Variants in PRKG1 observed in about 807,000 individuals in gnomAD.
PRKG1 encodes the protein protein kinase cGMP-dependent 1.
A neutral mutation model predicts 88.1 loss-of-function variants in PRKG1; 35 were observed. The observed-to-expected ratio is 0.40, with a 90% CI of 0.30 to 0.53. PRKG1 has a LOEUF of 0.53. Ranked by LOEUF, PRKG1 falls within the 20% of genes least tolerant of loss-of-function variation. PRKG1 has a pLI of 0.59. For synonymous variants in PRKG1, 303 were observed against 292.5 expected (o/e 1.04, Z -0.37); for missense variants, 540 against 839.8 (o/e 0.64, Z 4.41).
intron 8 of PRKG1, among the ~76,000 whole-genome samples, chr10:52,155,532 T>C (rs972079463): frequency 6.6e-6 from 1 of 152,028 alleles, no homozygotes; most frequent in Non-Finnish European, 1.5e-5. Context: ...ACCATTAAGT[T>C]GGTTATAGTA....
chr10:52,072,658 T>C (rs527867429), intron 7 of PRKG1, among the ~76,000 whole-genome samples: 1 of 152,320 alleles, frequency 6.6e-6, no homozygotes, highest in East Asian at 1.9e-4. Flanking sequence ...ATTTGGACAT[T>C]ATCCTTGACT....
chr10:51,732,207 G>A (rs867446042), intron 3 of PRKG1, among the ~76,000 whole-genome samples: 5 of 152,072 alleles, frequency 3.3e-5, no homozygotes, highest in Admixed American at 2.0e-4. Flanking sequence ...CTACGGGCAT[G>A]AGCCAACACA....
intron 2 of PRKG1, among the ~76,000 whole-genome samples, chr10:51,340,829 G>A (rs61852110): frequency 0.034 from 5,208 of 152,210 alleles, 116 homozygotes; most frequent in Middle Eastern, 0.068. Flanking sequence ...CTGGAATGTC[G>A]TGAATAAGAC....
intron 3 of PRKG1, among the ~76,000 whole-genome samples, chr10:51,677,973 G>GT (rs1205464226): frequency 6.6e-6 from 1 of 152,108 alleles, no homozygotes; most frequent in Non-Finnish European, 1.5e-5. Context: ...CAAGACAAAT[G>GT]TTATATTCTT....
In PRKG1 at chr10:52,257,585, C is replaced by T. The variant is rs1027017482; in HGVS notation, c.1173+5919C>T. On this transcript the variant is annotated intron_variant, in intron 10 of 17. Coordinates refer to ENST00000373980, the MANE Select transcript of PRKG1 (RefSeq NM_006258.4). ...TGCTACATCGGACACCTGGGGAAAC[C>T]CTGCTGCCCTAAGGCCTTGCATCCT... 1.4e-5 allele frequency among the ~76,000 whole-genome samples: 2 copies of T among 139,362 alleles called. 1 individual carries two copies. Among genetic ancestry groups the T allele is most frequent in the Non-Finnish European group, 3.2e-5 (2 of 61,608 alleles). 91.4% of individuals were successfully genotyped at this position (139,362 alleles called of 152,430 possible).
At chr10:51,388,662 T>C (rs1239747339) in intron 2 of PRKG1, among the ~76,000 whole-genome samples, 1 of 152,254 alleles carries the variant, frequency 6.6e-6, no homozygotes, top group East Asian at 1.9e-4. Context: ...ACGATGCCTC[T>C]AGATTGTTTT....
intron 1 of PRKG1, among the ~76,000 whole-genome samples, chr10:51,057,068 T>C (rs1381972122): frequency 2.6e-5 from 4 of 152,268 alleles, no homozygotes; most frequent in Admixed American, 2.6e-4. Context: ...AGTTCTTTTA[T>C]TGAAATATCT....
At chr10:51,794,808 A>G (rs1277592917) in intron 3 of PRKG1, among the ~76,000 whole-genome samples, 2 of 152,082 alleles carry the variant, frequency 1.3e-5, no homozygotes, top group African/African-American at 2.4e-5. Context: ...CAAAAAACAC[A>G]TATTAGTAAA....
At chr10:51,249,329 T>A (rs1000045016) in intron 2 of PRKG1, among the ~76,000 whole-genome samples, 7 of 151,850 alleles carry the variant, frequency 4.6e-5, no homozygotes, top group African/African-American at 1.7e-4. Flanking sequence ...CATTAGAAAA[T>A]GCACTGAATA....
chr10:52,063,529 C>G (rs940530841), intron 7 of PRKG1, among the ~76,000 whole-genome samples: 1 of 152,250 alleles, frequency 6.6e-6, no homozygotes, highest in South Asian at 2.1e-4. Flanking sequence ...TGTTTCAGCC[C>G]TGTTTGTATT....
At chr10:51,286,220 C>T (rs1249458767) in intron 2 of PRKG1, among the ~76,000 whole-genome samples, 1 of 152,206 alleles carries the variant, frequency 6.6e-6, no homozygotes, top group Non-Finnish European at 1.5e-5. Context: ...ATCTGCCTGC[C>T]TCGGCCTCCC....
chr10:51,550,763 T>C (rs751964730), intron 3 of PRKG1, among the ~76,000 whole-genome samples: 2 of 151,978 alleles, frequency 1.3e-5, no homozygotes, highest in Non-Finnish European at 2.9e-5. Flanking sequence ...TAAGTACTGA[T>C]AGATATTTGC....
chr10:51,958,964 G>A (rs1190853059), intron 5 of PRKG1, among the ~76,000 whole-genome samples: 3 of 152,112 alleles, frequency 2.0e-5, no homozygotes, highest in African/African-American at 4.8e-5. Flanking sequence ...AAATACTGTA[G>A]TCAGTGCTTT....
At position 51,698,346 on chromosome 10, in the gene PRKG1, G is replaced by C. The variant is rs1306013480; in HGVS notation, c.593-106239G>C. 3 of 1,614,120 alleles carry C rather than the reference G, an allele frequency of 1.9e-6. No homozygotes were observed. In the East Asian group the frequency reaches 6.7e-5, roughly 36 times the overall value. ...CTACCATCCATAGGTAGACCCCTTT[G>C]ATCTATCATGGGGCCTCTGGGCTCT... On this transcript the variant is annotated intron_variant, in intron 3 of 17. Transcript: ENST00000373980.
At chr10:51,745,801 G>C (rs532060445) in intron 3 of PRKG1, among the ~76,000 whole-genome samples, 1 of 152,144 alleles carries the variant, frequency 6.6e-6, no homozygotes, top group Non-Finnish European at 1.5e-5. Context: ...TTGAGGTCAG[G>C]AGTTTGAGAC....
intron 3 of PRKG1, among the ~76,000 whole-genome samples, chr10:51,730,992 C>G (rs1309258470): frequency 6.6e-6 from 1 of 152,026 alleles, no homozygotes; most frequent in Non-Finnish European, 1.5e-5. Context: ...CCTGTCTCTA[C>G]TAAAAATATA....
At chr10:51,057,320 T>C (rs1843638016) in intron 1 of PRKG1, among the ~76,000 whole-genome samples, 1 of 152,244 alleles carries the variant, frequency 6.6e-6, no homozygotes, top group Non-Finnish European at 1.5e-5. Context: ...GGATTGGGCA[T>C]GGGGCCTTTG....
chr10:52,189,791 A>G (rs893682840), intron 9 of PRKG1, among the ~76,000 whole-genome samples: 3 of 152,188 alleles, frequency 2.0e-5, no homozygotes, highest in Admixed American at 6.5e-5. Context: ...TAAAAGAATG[A>G]TACTGATCAG....
chr10:52,208,955 C>G (rs1839887259), intron 9 of PRKG1, among the ~76,000 whole-genome samples: 1 of 152,108 alleles, frequency 6.6e-6, no homozygotes, highest in South Asian at 2.1e-4. Flanking sequence ...AAGTTTGCCT[C>G]TAAATGTTTT....
Sources: gnomAD v4.1 joint callset for allele counts (sites outside exome capture counted in the v4.1 genomes callset) on GRCh38, gnomAD v4.1.1 for gene constraint, MANE v1.5 for transcripts, NCBI Gene and HGNC (gene_info 2026-07-23, HGNC 2026-07-21) for gene names.